AGBL4: variants seen among roughly 807,000 people sequenced by gnomAD.
AGBL4 encodes the protein AGBL carboxypeptidase 4.
Under a neutral mutation model 66.4 loss-of-function variants are expected in AGBL4, and 58 were observed. That is an observed-to-expected ratio of 0.87 (90% CI 0.71 to 1.09). AGBL4 has a LOEUF of 1.09. AGBL4 is among the 50% of genes least tolerant of loss of function. The pLI, the probability that AGBL4 is intolerant of heterozygous loss-of-function variation, is 0.00. For missense variants in AGBL4, 579 were observed against 631.0 expected (o/e 0.92, Z 0.88); for synonymous variants, 234 against 222.9 (o/e 1.05, Z -0.44).
chr1:48,825,296 C>A (rs1412043701), intron 6 of AGBL4, among the ~76,000 whole-genome samples: 2 of 152,166 alleles, frequency 1.3e-5, no homozygotes, highest in Non-Finnish European at 2.9e-5. Flanking sequence ...TCCAACCAGC[C>A]TCTGGAGTCA....
chr1:49,935,143 T>C (rs1653821808), intron 1 of AGBL4, among the ~76,000 whole-genome samples: 1 of 152,204 alleles, frequency 6.6e-6, no homozygotes, highest in Admixed American at 6.5e-5. Context: ...TACAGCGCTT[T>C]TCCGATGGGC....
At chr1:49,875,162 A>T (rs1177749791) in intron 1 of AGBL4, among the ~76,000 whole-genome samples, 10 of 135,364 alleles carry the variant, frequency 7.4e-5, no homozygotes, top group South Asian at 2.4e-4. Context: ...TATTATTATT[A>T]TTTTTAATTA....
chr1:49,356,331 A>G (rs977872504), intron 3 of AGBL4, among the ~76,000 whole-genome samples: 12 of 152,220 alleles, frequency 7.9e-5, no homozygotes, highest in Middle Eastern at 3.2e-3. Flanking sequence ...CTGATAAACG[A>G]CAGACACAGA....
At chr1:49,016,503 G>A (rs922849350) in intron 5 of AGBL4, among the ~76,000 whole-genome samples, 34 of 152,116 alleles carry the variant, frequency 2.2e-4, no homozygotes, top group East Asian at 3.8e-4. Context: ...TGAGAGTGCC[G>A]GAGTTTTGAC....
chr1:48,996,116 C>T (rs1453027047), intron 5 of AGBL4, among the ~76,000 whole-genome samples: 1 of 152,006 alleles, frequency 6.6e-6, no homozygotes, highest in Admixed American at 6.6e-5. Flanking sequence ...TAATGATAGC[C>T]CTCAGGTTTT....
At chr1:49,116,378 C>A (rs1300193186) in intron 4 of AGBL4, among the ~76,000 whole-genome samples, 1 of 152,200 alleles carries the variant, frequency 6.6e-6, no homozygotes, top group Non-Finnish European at 1.5e-5. Flanking sequence ...CATATCCCCA[C>A]CCCGCCAACA....
intron 1 of AGBL4, among the ~76,000 whole-genome samples, chr1:49,874,635 T>A (rs1440163998): frequency 6.6e-6 from 1 of 152,110 alleles, no homozygotes; most frequent in Non-Finnish European, 1.5e-5. Context: ...TAGATGCAAA[T>A]GCTCTTAATC....
chr1:48,741,846 A>C (rs1168832563), intron 6 of AGBL4, among the ~76,000 whole-genome samples: 1 of 152,216 alleles, frequency 6.6e-6, no homozygotes, highest in Non-Finnish European at 1.5e-5. Flanking sequence ...GCTAAAGCTG[A>C]ATTTCACCAG....
At chr1:48,901,662 T>C (rs904519894) in intron 5 of AGBL4, among the ~76,000 whole-genome samples, 2 of 152,096 alleles carry the variant, frequency 1.3e-5, no homozygotes, top group Non-Finnish European at 2.9e-5. Flanking sequence ...TTTTAGAAAA[T>C]GCTGTATAAT....
At chr1:49,069,931 G>T (rs185316518) in intron 4 of AGBL4, among the ~76,000 whole-genome samples, 45 of 151,764 alleles carry the variant, frequency 3.0e-4, no homozygotes, top group African/African-American at 1.1e-3. Flanking sequence ...GTAGTTCTCC[G>T]TGAAGCGGTC....
chr1:49,332,136 G>T (rs934822319), intron 3 of AGBL4, among the ~76,000 whole-genome samples: 1 of 152,164 alleles, frequency 6.6e-6, no homozygotes, highest in African/African-American at 2.4e-5. Flanking sequence ...GACCACATTT[G>T]AATGCCCTTT....
chr1:49,654,781 T>A (rs1213987675), intron 3 of AGBL4, among the ~76,000 whole-genome samples: 1 of 152,226 alleles, frequency 6.6e-6, no homozygotes, highest in Non-Finnish European at 1.5e-5. Flanking sequence ...GCTTGGTAGA[T>A]CTTCCTCCAT....
intron 4 of AGBL4, among the ~76,000 whole-genome samples, chr1:49,095,824 C>A (rs1298581009): frequency 4.0e-4 from 60 of 150,986 alleles, no homozygotes; most frequent in Admixed American, 2.7e-3. Flanking sequence ...GCAACAAAAG[C>A]CAAAATTGAC....
intron 3 of AGBL4, among the ~76,000 whole-genome samples, chr1:49,543,198 T>A (rs570164244): frequency 2.0e-5 from 3 of 152,268 alleles, no homozygotes; most frequent in African/African-American, 7.2e-5. Flanking sequence ...AAGTCAACTC[T>A]GATCTATTCT....
chr1:49,750,142 G>T (rs1379674335), intron 2 of AGBL4, among the ~76,000 whole-genome samples: 2 of 152,092 alleles, frequency 1.3e-5, no homozygotes, highest in African/African-American at 2.4e-5. Context: ...ATACCCAAAT[G>T]TAAAATCCAA....
chr1:49,769,041 G>T (rs1643978203), intron 2 of AGBL4, among the ~76,000 whole-genome samples: 1 of 152,034 alleles, frequency 6.6e-6, no homozygotes, highest in South Asian at 2.1e-4. Context: ...TAGAGACAGG[G>T]TTTCACCATG....
At chr1:49,554,939 C>A (rs1653295058) in intron 3 of AGBL4, among the ~76,000 whole-genome samples, 1 of 152,168 alleles carries the variant, frequency 6.6e-6, no homozygotes, top group African/African-American at 2.4e-5. Context: ...AGCTGCAGAC[C>A]TTCACGGTGA....
chr1:49,481,338 C>A (rs1646951766), intron 3 of AGBL4, among the ~76,000 whole-genome samples: 1 of 151,944 alleles, frequency 6.6e-6, no homozygotes, highest in African/African-American at 2.4e-5. Context: ...TAGAGAACTT[C>A]CACTTCTCTT....
intron 5 of AGBL4, among the ~76,000 whole-genome samples, chr1:48,880,903 G>A (rs935015656): frequency 2.6e-5 from 4 of 152,098 alleles, no homozygotes; most frequent in African/African-American, 9.7e-5. Context: ...TTCCAATACT[G>A]TTACATAGTC....
Sources: allele counts gnomAD v4.1 joint callset (sites outside exome capture counted in the v4.1 genomes callset), GRCh38; gene constraint gnomAD v4.1.1; transcripts MANE v1.5; gene names NCBI Gene and HGNC (gene_info 2026-07-23, HGNC 2026-07-21).